LY6D: variants seen among roughly 807,000 people sequenced by gnomAD.
LY6D encodes lymphocyte antigen 6D.
LY6D carries 7 observed loss-of-function variants against 5.6 expected under a neutral mutation model. The ratio of observed to expected loss-of-function variants is 1.24; its 90% CI spans 0.71 to 2.34. The LOEUF (loss-of-function observed/expected upper bound fraction) is 2.34, where lower values mean the gene tolerates loss of function less well. Among genes scored for constraint, LY6D ranks in the 30% most tolerant of loss-of-function variants. LY6D has a pLI of 0.00. For missense variants in LY6D, 148 were observed against 164.8 expected, an observed-to-expected ratio of 0.90 and a Z score of 0.56; for synonymous variants, 81 against 75.0, an observed-to-expected ratio of 1.08 and a Z score of -0.41.
At chr8:142,786,273 C>T (rs1815653779) in intron 1 of LY6D, 192 bp downstream of exon 1, 4 of 1,374,866 alleles carry the variant, frequency 2.9e-6, no homozygotes, top group Non-Finnish European at 2.8e-6. Flanking sequence ...CTAAGATCCT[C>T]AGATTCTGAA....
Position 142,785,282 on chromosome 8 carries a change from C to A in LY6D, c.326G>T (p.Ser109Ile). 1 of 1,613,206 alleles carries A rather than the reference C, an allele frequency of 6.2e-7. No individual in the cohort carries two copies. The highest frequency in any genetic ancestry group is 8.5e-7 in the Non-Finnish European group (1 of 1,179,708). Residue 109 changes from serine to isoleucine, a missense_variant, in exon 3 of 3, where the codon AGT (serine) becomes ATT (isoleucine). Ser to Ile is a moderately radical substitution (Grantham distance 142). Transcript: ENST00000301263. ...AAPTRTALAH[S>I]ALSLGLALSL... ...CAGGGCCAGCCCCAGGCTGAGGGCA[C>A]TGTGGGCGAGGGCGGTGCGGGTGGG...
At position 142,785,579 on chromosome 8, in the gene LY6D, T is replaced by C. The variant is rs1177214752; in HGVS notation, c.151+10A>G. On this transcript the variant is annotated intron_variant, in intron 2 of 2. Transcript: ENST00000301263. ...CCAGCCCCAGGGACACCTGGACAGA[T>C]GCTACCCACCTGTGTTCGTGGTCTT... is the stretch of plus-strand genomic sequence containing the variant. The C allele has an allele frequency of 8.1e-6, 13 of 1,613,266 alleles. No homozygotes were observed. Among genetic ancestry groups the C allele is most frequent in the Non-Finnish European group, 1.1e-5 (13 of 1,179,804 alleles).
chr8:142,786,031 T>C, intron 1 of LY6D: 5 of 1,207,568 alleles, frequency 4.1e-6, no homozygotes, highest in Admixed American at 4.1e-5. Context: ...GAGATGGCTA[T>C]GTTTCTGAGG....
Position 142,785,304 on chromosome 8 carries a change from T to C in LY6D, c.304A>G (p.Thr102Ala). 1 of 1,613,312 alleles carries C rather than the reference T, an allele frequency of 6.2e-7. No individual in the cohort carries two copies. Among genetic ancestry groups the C allele is most frequent in the South Asian group, 1.1e-5 (1 of 91,022 alleles). ...CNEKLHNAAP[T>A]RTALAHSALS... is the part of the protein sequence containing the mutation. ...GCACTGTGGGCGAGGGCGGTGCGGG[T>C]GGGTGCAGCGTTGTGCAGCTTCTCA... The change falls in exon 3 of 3, where the codon ACC becomes GCC. Residue 102 changes from threonine to alanine, a missense_variant. Coordinates refer to ENST00000301263, the MANE Select transcript of LY6D (RefSeq NM_003695.3).
chr8:142,786,009 A>T, intron 1 of LY6D: 3 of 1,257,826 alleles, frequency 2.4e-6, no homozygotes, highest in Non-Finnish European at 3.0e-6. Context: ...ACCCCAGGGG[A>T]TGTCCCTGGA....
At chr8:142,786,313 C>T (rs563439058) in intron 1 of LY6D, 152 bp downstream of exon 1, 16 of 1,375,974 alleles carry the variant, frequency 1.2e-5, no homozygotes, top group African/African-American at 1.5e-5. Flanking sequence ...CGTTAAGATT[C>T]GGGCTCCATG....
chr8:142,785,038 G>A lies in LY6D; in HGVS notation c.*183C>T, dbSNP rs1301965083. 5.0e-6 allele frequency: 3 copies of A among 594,220 alleles called. No individual in the cohort carries two copies. Among genetic ancestry groups the A allele is most frequent in the Admixed American group, 3.0e-5 (1 of 33,752 alleles). 36.8% of individuals were successfully genotyped at this position (594,220 alleles called of 1,614,324 possible). On this transcript the variant is annotated 3_prime_UTR_variant, in exon 3 of 3. Coordinates refer to ENST00000301263, the MANE Select transcript of LY6D (RefSeq NM_003695.3). ...CCTCTGTGGGGTGGCTTCATCCTCT[G>A]TGGGGTCTGTGGGGCCTGCTCCAAG...
chr8:142,785,699 G>T lies in LY6D; in HGVS notation c.53-12C>A, dbSNP rs1410248832. 1 of 1,612,948 alleles carries T rather than the reference G, an allele frequency of 6.2e-7. No homozygotes were observed. The highest frequency in any genetic ancestry group is 1.3e-5 in the African/African-American group (1 of 75,044). On this transcript the variant is annotated splice_polypyrimidine_tract_variant and intron_variant, in intron 1 of 2. Transcript: ENST00000301263. ...GCGCAGGGTAAGGGCTGGCGGGGAG[G>T]GAGTCCGGCTCAGCGGGCCCAACAG...
Position 142,784,985 on chromosome 8 carries a change from C to A in LY6D, c.*236G>T, listed in dbSNP as rs1199326779. The A allele has an allele frequency of 3.7e-6, 2 of 537,404 alleles. No individual in the cohort carries two copies. Among genetic ancestry groups the A allele is most frequent in the Non-Finnish European group, 6.6e-6 (2 of 302,124 alleles). 33.3% of individuals were successfully genotyped at this position (537,404 alleles called of 1,614,324 possible). On this transcript the variant is annotated 3_prime_UTR_variant, in exon 3 of 3. Transcript: ENST00000301263. ...CGGGGATCCACAGGGCTTCTGTCCT[C>A]CACCTTCCATGCAGCTGGGGGCTGC...
Position 142,785,675 on chromosome 8 carries a change from C to T in LY6D, c.65G>A (p.Arg22His), listed in dbSNP as rs201828831. The stretch of plus-strand genomic sequence containing the variant: ...GCTGGAGCTGGTGCACACGTGGCAG[C>T]GCAGGGTAAGGGCTGGCGGGGAGGG... ...AVATGPALTL[R>H]CHVCTSSSNC... Residue 22 changes from arginine (R) to histidine (H), a missense_variant, in exon 2 of 3, where the codon CGC becomes CAC. Coordinates refer to ENST00000301263, the MANE Select transcript of LY6D (RefSeq NM_003695.3). 1.4e-5 allele frequency: 22 copies of T among 1,613,522 alleles called. No homozygotes were observed. In the East Asian group the frequency reaches 1.6e-4, roughly 11 times the overall value.
intron 1 of LY6D, 28 bp downstream of exon 1, chr8:142,786,437 C>CCCCCCCCCCCCAGG: frequency 6.6e-7 from 1 of 1,524,444 alleles, no homozygotes; most frequent in Non-Finnish European, 8.8e-7. Flanking sequence ...GCCGCCCACC[C>CCCCCCCCCCCCAGG]GCCCGTCCCC....
At position 142,786,337 on chromosome 8, in the gene LY6D, G is replaced by A. The variant is rs1343857724; in HGVS notation, c.52+128C>T. ...TCGGGCTCCATGTTGTTTTAAATTT[G>A]AAGAGTCTAGCACCCACAGTGTCGG... On this transcript the variant is annotated intron_variant, in intron 1 of 2. Transcript: ENST00000301263. 2.9e-6 allele frequency: 4 copies of A among 1,381,338 alleles called. No homozygotes were observed. The African/African-American group carries it at 6.0e-5, about 21-fold the overall frequency. The allele number at this position is 1,381,338 out of a possible 1,614,324, so 85.6% of individuals were successfully genotyped here.
chr8:142,785,529 C>T, intron 2 of LY6D, 60 bp downstream of exon 2: 2 of 1,602,246 alleles, frequency 1.2e-6, no homozygotes, highest in South Asian at 1.1e-5. Context: ...TTCCAGCCAA[C>T]ACCCACAACA....
rs892991097 is a variant in LY6D at position 142,784,896 on chromosome 8, T to G, written c.*325A>C. 2 of 342,752 alleles carry G rather than the reference T, an allele frequency of 5.8e-6. No individual in the cohort carries two copies. The highest frequency in any genetic ancestry group is 4.1e-5 in the African/African-American group (2 of 49,278). The allele number at this position is 342,752 out of a possible 1,614,324, so 21.2% of individuals were successfully genotyped here. A position where few individuals can be genotyped will look rare whatever the true frequency, so the allele number is the denominator to read the frequency against. ...CCACAGCCACACTGGTTTAAATCAT[T>G]TATCTCCATGTAGAGATTTGAGTAC... is the stretch of plus-strand genomic sequence containing the variant. On this transcript the variant is annotated 3_prime_UTR_variant, in exon 3 of 3. Transcript: ENST00000301263.
chr8:142,785,760 AC>A (rs1815645299), intron 1 of LY6D, 73 bp from the exon 2 acceptor site: 2 of 1,576,854 alleles, frequency 1.3e-6, no homozygotes, highest in African/African-American at 2.7e-5. Flanking sequence ...CTGCTCCCCC[AC>A]CTGCAGAGAC....
intron 1 of LY6D, 87 bp downstream of exon 1, chr8:142,786,378 G>A: frequency 6.8e-7 from 1 of 1,463,220 alleles, no homozygotes; most frequent in Non-Finnish European, 9.1e-7. Flanking sequence ...TCTGTGCCTA[G>A]ATGTCGTCAG....
Position 142,785,396 on chromosome 8 carries a change from T to C in LY6D, c.212A>G (p.Tyr71Cys), listed in dbSNP as rs1815637060. The C allele has an allele frequency of 1.9e-6, 3 of 1,613,428 alleles. No homozygotes were observed. Among genetic ancestry groups the C allele is most frequent in the Admixed American group, 1.7e-5 (1 of 59,994 alleles). ...KDCAESCTPS[Y>C]TLQGQVSSGT... ...GCTGCTGACCTGGCCTTGCAGGGTG[T>C]AGCTGGGTGTGCACGACTCCGCACA... The change falls in exon 3 of 3, where the codon TAC (tyrosine) becomes TGC (cysteine). Residue 71 changes from tyrosine (Y) to cysteine (C), a missense_variant. Physicochemically the swap from Tyr to Cys is radical, Grantham distance 194 (BLOSUM62 -2). Coordinates refer to ENST00000301263, the MANE Select transcript of LY6D (RefSeq NM_003695.3).
chr8:142,786,286 A>G (rs2130142915), intron 1 of LY6D, 179 bp downstream of exon 1: 2 of 1,365,592 alleles, frequency 1.5e-6, no homozygotes, highest in East Asian at 2.8e-5. Flanking sequence ...ATTCTGAAAC[A>G]TTGTAAATCT....
chr8:142,786,434 A>AGGGCCCCCCCCCC, intron 1 of LY6D, 31 bp downstream of exon 1: 1 of 1,213,284 alleles, frequency 8.2e-7, no homozygotes, highest in Non-Finnish European at 1.1e-6. Context: ...ACAGCCGCCC[A>AGGGCCCCCCCCCC]CCCGCCCGTC....
Sources: gnomAD v4.1 joint callset for allele counts on GRCh38, gnomAD v4.1.1 for gene constraint, MANE v1.5 for transcripts, NCBI Gene and HGNC (gene_info 2026-07-23, HGNC 2026-07-21) for gene names.